ANKRD53: variants seen among roughly 807,000 people sequenced by gnomAD.
ANKRD53 encodes ankyrin repeat domain 53.
ANKRD53 carries 27 observed loss-of-function variants against 30.1 expected under a neutral mutation model. The ratio of observed to expected loss-of-function variants is 0.90; its 90% CI spans 0.66 to 1.24. The LOEUF (loss-of-function observed/expected upper bound fraction) is 1.24. Among genes scored for constraint, ANKRD53 ranks in the 50% most tolerant of loss-of-function variants. ANKRD53 has a pLI of 0.00. For synonymous variants in ANKRD53, 286 were observed against 295.4 expected, an observed-to-expected ratio of 0.97 and a Z score of 0.33; for missense variants, 682 against 721.0, an observed-to-expected ratio of 0.95 and a Z score of 0.62.
intron 5 of ANKRD53, 44 bp from the exon 6 acceptor site, chr2:70,984,567 G>A (rs782015277): frequency 1.2e-5 from 19 of 1,595,726 alleles, no homozygotes; most frequent in African/African-American, 8.1e-5. Flanking sequence ...AGAAGCAGAG[G>A]GCAGCAGTCC....
In ANKRD53 at chr2:70,978,697, T is replaced by G; in HGVS notation, c.52T>G (p.Ser18Ala). 6.5e-7 allele frequency: 1 copy of G among 1,545,186 alleles called. No individual in the cohort carries two copies. The highest frequency in any genetic ancestry group is 8.7e-7 in the Non-Finnish European group (1 of 1,145,440). The change falls in exon 1 of 6, where the codon TCA becomes GCA. Residue 18 changes from serine to alanine, a missense_variant. Transcript: ENST00000360589. The surrounding 1 kb of genome is among the most constrained non-coding windows in gnomAD (Gnocchi z 4.3). The part of the protein sequence containing the change: ...ARRAGSGSWH[S>A]ERGEGRGARP... Reference sequence around the variant, plus strand: ...GCGGGCGGGCTCCGGAAGCTGGCACTCAGAAAGGGGAGAAGGGAGAGGTGC... The same window carrying G: ...GCGGGCGGGCTCCGGAAGCTGGCACGCAGAAAGGGGAGAAGGGAGAGGTGC...
rs11688921 is a variant in ANKRD53, at chr2:70,984,753, G to T, written c.1046G>T (p.Arg349Leu). The T allele has an allele frequency of 0.019, 30,897 of 1,587,262 alleles. 423 individuals are homozygous for T. The highest frequency in any genetic ancestry group is 0.022 in the Non-Finnish European group (25,356 of 1,166,034). ...ACCCCAGAGCAACGGGAATCGCAGC[G>T]TTCCAGGAGCTTCCACCCCTCTGTG... Reference protein sequence around the residue: ...SKTPEQRESQRSRSFHPSVDA... With the variant: ...SKTPEQRESQLSRSFHPSVDA... Residue 349 changes from arginine (R) to leucine (L), a missense_variant, in exon 6 of 6, where the codon CGT becomes CTT. Physicochemically the swap from Arg to Leu is moderately radical, Grantham distance 102. Transcript: ENST00000360589.
chr2:70,984,791 C>T lies in ANKRD53; in HGVS notation c.1084C>T (p.Gln362Ter). Reference sequence around the variant, plus strand: ...CCACCCCTCTGTGGATGCACGCCTGCAATGCATTCCACAGCCCACGGAGAT... The same window carrying T: ...CCACCCCTCTGTGGATGCACGCCTGTAATGCATTCCACAGCCCACGGAGAT... ...SFHPSVDARL[Q>*]CIPQPTEMPK... is the part of the protein sequence containing the mutation. Residue 362 changes from glutamine to a stop codon, truncating the protein, a stop_gained, in exon 6 of 6, where the codon CAA (glutamine) becomes TAA (stop). Transcript: ENST00000360589. LOFTEE classifies it low-confidence loss of function (END_TRUNC). The T allele has an allele frequency of 6.4e-7, 1 of 1,557,668 alleles. No homozygotes were observed.
Position 70,982,344 on chromosome 2 carries a change from C to T in ANKRD53, c.783-233C>T. 1.3e-6 allele frequency: 1 copy of T among 743,278 alleles called. No homozygotes were observed. The allele number at this position is 743,278 out of a possible 1,614,324, so 46.0% of individuals were successfully genotyped here. A position where few individuals can be genotyped will look rare whatever the true frequency, so the allele number is the denominator to read the frequency against. On this transcript the variant is annotated intron_variant, in intron 4 of 5. Transcript: ENST00000360589. This position sits in a 1 kb window ranked among gnomAD's most constrained non-coding sequence, Gnocchi z 4.2. ...ACTGCCCTCCTTTCCTGCCCTGGGGCCCCTGGCTCCTCAGCAGGAGGGTGG... is the reference window on the plus strand; with the variant it reads ...ACTGCCCTCCTTTCCTGCCCTGGGGTCCCTGGCTCCTCAGCAGGAGGGTGG...
chr2:70,980,427 GC>G (rs1292035661), intron 3 of ANKRD53, among the ~76,000 whole-genome samples: 3 of 151,864 alleles, frequency 2.0e-5, no homozygotes, highest in Admixed American at 6.6e-5. Flanking sequence ...CAACCTCTAT[GC>G]CCCAGTACTC....
At chr2:70,979,426 C>T (rs1553423111) in intron 2 of ANKRD53, 83 bp downstream of exon 2, 8 of 1,582,000 alleles carry the variant, frequency 5.1e-6, no homozygotes, top group Non-Finnish European at 6.9e-6. Flanking sequence ...AAGAGATATC[C>T]TTTTCTGGGT....
At chr2:70,984,436 G>A in intron 5 of ANKRD53, 175 bp from the exon 6 acceptor site, 1 of 985,368 alleles carries the variant, frequency 1.0e-6, no homozygotes, top group Non-Finnish European at 1.2e-6. Flanking sequence ...CGGAACACCG[G>A]CTCCCATAAG....
chr2:70,984,433 C>G, intron 5 of ANKRD53, 178 bp from the exon 6 acceptor site: 1 of 985,418 alleles, frequency 1.0e-6, no homozygotes, highest in Non-Finnish European at 1.2e-6. Context: ...CATCGGAACA[C>G]CGGCTCCCAT....
chr2:70,984,503 C>T, intron 5 of ANKRD53, 108 bp from the exon 6 acceptor site: 1 of 1,535,718 alleles, frequency 6.5e-7, no homozygotes, highest in South Asian at 1.3e-5. Flanking sequence ...CAGAGTTTCC[C>T]TCATCCTTCA....
chr2:70,982,259 C>T lies in ANKRD53; in HGVS notation c.782+159C>T. 1 of 876,500 alleles carries T rather than the reference C, an allele frequency of 1.1e-6. No individual in the cohort carries two copies. The highest frequency in any genetic ancestry group is 1.7e-6 in the Non-Finnish European group (1 of 591,586). 54.3% of individuals were successfully genotyped at this position (876,500 alleles called of 1,614,324 possible). ...CCCAGGATATTTTGGATGAGGCAAT[C>T]ACCTCATCACCTGGGCTTGGGGGTA... On this transcript the variant is annotated intron_variant, in intron 4 of 5. Coordinates refer to ENST00000360589, the MANE Select transcript of ANKRD53 (RefSeq NM_001115116.2). The surrounding 1 kb of genome is among the most constrained non-coding windows in gnomAD (Gnocchi z 4.2).
rs1414428935 is a variant in ANKRD53, at chr2:70,985,081, G to T, written c.1374G>T (p.Met458Ile). Reference sequence around the variant, plus strand: ...TGCCTTTTGAGGTGCTGCTGCGCATGCTGTACCCACGTGTATGGCCATACA... The same window carrying T: ...TGCCTTTTGAGGTGCTGCTGCGCATTCTGTACCCACGTGTATGGCCATACA... ...PRLPFEVLLRMLYPRVWPYRM... is the reference protein window; with the variant it reads ...PRLPFEVLLRILYPRVWPYRM... Residue 458 changes from methionine (M) to isoleucine (I), a missense_variant, in exon 6 of 6, where the codon ATG (methionine) becomes ATT (isoleucine). Transcript: ENST00000360589. The T allele has an allele frequency of 6.4e-7, 1 of 1,550,508 alleles. No homozygotes were observed. Among genetic ancestry groups the T allele is most frequent in the African/African-American group, 1.4e-5 (1 of 73,066 alleles).
rs1406303198 is a variant in ANKRD53, at chr2:70,978,990, C to T, written c.171-107C>T. The T allele has an allele frequency of 2.4e-5, 35 of 1,454,348 alleles. No homozygotes were observed. Among genetic ancestry groups the T allele is most frequent in the Non-Finnish European group, 3.0e-5 (33 of 1,107,228 alleles). The allele number at this position is 1,454,348 out of a possible 1,614,324, so 90.1% of individuals were successfully genotyped here. A position where few individuals can be genotyped will look rare whatever the true frequency, so the allele number is the denominator to read the frequency against. ...AGGTGCCTAGGCCGTGGCCCAGAGTCGCTTCCCCACTGCCCCGCCCACCAG... is the reference window on the plus strand; with the variant it reads ...AGGTGCCTAGGCCGTGGCCCAGAGTTGCTTCCCCACTGCCCCGCCCACCAG... On this transcript the variant is annotated intron_variant, in intron 1 of 5. Coordinates refer to ENST00000360589, the MANE Select transcript of ANKRD53 (RefSeq NM_001115116.2). This position sits in a 1 kb window ranked among gnomAD's most constrained non-coding sequence, Gnocchi z 4.3.
rs782058116 is a variant in ANKRD53, at chr2:70,984,952, TCCGGAGCACGA to T, written c.1247_1257del (p.Pro416LeufsTer10). The stretch of plus-strand genomic sequence containing the variant: ...GCCTGGGCGTGCATCCAGACCCCAC[TCCGGAGCACGA>T]CTTCAGCAGCTTCCTGGAGGTGAGG... On this transcript the variant is annotated frameshift_variant, in exon 6 of 6. Coordinates refer to ENST00000360589, the MANE Select transcript of ANKRD53 (RefSeq NM_001115116.2). LOFTEE classifies it low-confidence loss of function (END_TRUNC). The T allele has an allele frequency of 8.4e-6, 13 of 1,550,054 alleles. No homozygotes were observed. The highest frequency in any genetic ancestry group is 2.0e-5 in the Admixed American group (1 of 50,972).
At chr2:70,983,599 C>T (rs1011255633) in intron 5 of ANKRD53, among the ~76,000 whole-genome samples, 9 of 152,180 alleles carry the variant, frequency 5.9e-5, no homozygotes, top group African/African-American at 1.4e-4. Context: ...CTCCAGTTCT[C>T]AGCCCTATCC....
At position 70,980,421 on chromosome 2, in the gene ANKRD53, C is replaced by G. The variant is rs1222841394; in HGVS notation, c.617+561C>G. Among the ~76,000 whole-genome samples, 15 of 152,132 alleles carry G rather than the reference C, an allele frequency of 9.9e-5. 1 individual carries two copies. Among genetic ancestry groups the G allele is most frequent in the Non-Finnish European group, 2.2e-4 (15 of 68,014 alleles). Reference sequence around the variant, plus strand: ...CAGGACCTTAGGCAAGTCACTCAACCTCTATGCCCCAGTACTCTGGCTCCC... The same window carrying G: ...CAGGACCTTAGGCAAGTCACTCAACGTCTATGCCCCAGTACTCTGGCTCCC... On this transcript the variant is annotated intron_variant, in intron 3 of 5. Transcript: ENST00000360589.
Position 70,978,824 on chromosome 2 carries a change from C to A in ANKRD53, c.170+9C>A, listed in dbSNP as rs1198578533. The A allele has an allele frequency of 1.9e-6, 3 of 1,554,764 alleles. No homozygotes were observed. The highest frequency in any genetic ancestry group is 2.4e-5 in the South Asian group (2 of 83,932). ...GAGTCCAAGCAGCCCAGGTGGGTAG[C>A]GGGAGAAGGTGTCCCGGCTGCAGGG... On this transcript the variant is annotated intron_variant, in intron 1 of 5. Coordinates refer to ENST00000360589, the MANE Select transcript of ANKRD53 (RefSeq NM_001115116.2). The surrounding 1 kb of genome is among the most constrained non-coding windows in gnomAD (Gnocchi z 4.3).
Position 70,985,442 on chromosome 2 carries a change from A to AG in ANKRD53, c.*142_*143insG. ...CTCGAGGAGTCACCCTTCCCAATCA[A>AG]AAGCCCAGACCCCAGGCCTCCCTTT... On this transcript the variant is annotated 3_prime_UTR_variant, in exon 6 of 6. Transcript: ENST00000360589. 2 of 733,660 alleles carry AG rather than the reference A, an allele frequency of 2.7e-6. No homozygotes were observed. The highest frequency in any genetic ancestry group is 5.6e-5 in the East Asian group (2 of 35,802). 45.4% of individuals were successfully genotyped at this position (733,660 alleles called of 1,614,324 possible).
Position 70,982,103 on chromosome 2 carries a change from G to A in ANKRD53, c.782+3G>A, listed in dbSNP as rs782175721. 6.3e-7 allele frequency: 1 copy of A among 1,598,658 alleles called. No homozygotes were observed. The highest frequency in any genetic ancestry group is 8.5e-7 in the Non-Finnish European group (1 of 1,171,262). ...TGGAACCACCGTGCCTGTGCCCGGT[G>A]AGAGTGTGAGAACCACCTGGAGCCT... On this transcript the variant is annotated splice_donor_region_variant and intron_variant, in intron 4 of 5. Transcript: ENST00000360589. The surrounding 1 kb of genome is among the most constrained non-coding windows in gnomAD (Gnocchi z 4.2).
chr2:70,978,779 A>G lies in ANKRD53; in HGVS notation c.134A>G (p.Lys45Arg), dbSNP rs370376005. The G allele has an allele frequency of 7.0e-6, 11 of 1,572,136 alleles. No homozygotes were observed. In the East Asian group the frequency reaches 1.6e-4, roughly 23 times the overall value. The part of the protein sequence containing the change: ...SMQQANKVSL[K>R]ATWTDAESKQ... ...CAGCAGGCGAACAAAGTCTCCTTGA[A>G]GGCCACCTGGACTGACGCGGAGTCC... The change falls in exon 1 of 6, where the codon AAG becomes AGG. Residue 45 changes from lysine (K) to arginine (R), a missense_variant. By Grantham distance (26) the Lys-to-Arg change is conservative. Transcript: ENST00000360589. The surrounding 1 kb of genome is among the most constrained non-coding windows in gnomAD (Gnocchi z 4.3).
Sources: allele counts gnomAD v4.1 joint callset (sites outside exome capture counted in the v4.1 genomes callset), GRCh38; gene constraint gnomAD v4.1.1; non-coding constraint Gnocchi (gnomAD v3.1); transcripts MANE v1.5; gene names NCBI Gene and HGNC (gene_info 2026-07-23, HGNC 2026-07-21).